Variants in GNA14 observed in about 807,000 individuals in gnomAD.
GNA14 encodes the protein guanine nucleotide-binding protein subunit alpha-14.
In GNA14, 50 loss-of-function variants were observed where a neutral mutation model predicts 42.0. The ratio of observed to expected loss-of-function variants is 1.19; its 90% confidence interval spans 0.95 to 1.51. The LOEUF (loss-of-function observed/expected upper bound fraction) is 1.51, where lower values mean the gene tolerates loss of function less well. GNA14 is among the 40% of genes most tolerant of loss of function. The pLI is 0.00. For missense variants in GNA14, 473 were observed against 446.2 expected, an observed-to-expected ratio of 1.06 and a Z score of -0.54; for synonymous variants, 173 against 163.1, an observed-to-expected ratio of 1.06 and a Z score of -0.46.
At chr9:77,639,171 C>T (rs1208056312) in intron 1 of GNA14, among the ~76,000 whole-genome samples, 2 of 152,156 alleles carry the variant, frequency 1.3e-5, no homozygotes, top group Non-Finnish European at 2.9e-5. Context: ...TGAGCACTTA[C>T]CTTCTGGGGG....
Position 77,425,557 on chromosome 9 carries a change from C to T in GNA14, c.877+5G>A. ...GAAAACACTGTCCACAAGATAGACACTTACCTGTGTATTCTGGGAAATAGC... is the reference window on the plus strand; with the variant it reads ...GAAAACACTGTCCACAAGATAGACATTTACCTGTGTATTCTGGGAAATAGC... On this transcript the variant is annotated splice_donor_5th_base_variant and intron_variant, in intron 6 of 6. Coordinates refer to ENST00000341700, the MANE Select transcript of GNA14 (RefSeq NM_004297.4). 1 of 1,596,536 alleles carries T rather than the reference C, an allele frequency of 6.3e-7. No homozygotes were observed. Among genetic ancestry groups the T allele is most frequent in the Non-Finnish European group, 8.6e-7 (1 of 1,168,886 alleles).
intron 1 of GNA14, among the ~76,000 whole-genome samples, chr9:77,622,715 G>A (rs1444345825): frequency 2.2e-5 from 3 of 135,300 alleles, no homozygotes; most frequent in Admixed American, 7.5e-5. Context: ...TGAAAACCCC[G>A]TCTCTACTAA....
At chr9:77,527,416 C>T (rs183472846) in intron 2 of GNA14, among the ~76,000 whole-genome samples, 2 of 152,342 alleles carry the variant, frequency 1.3e-5, no homozygotes, top group East Asian at 3.9e-4. Context: ...CCGTGGGCCA[C>T]AGTGCAGCCC....
intron 2 of GNA14, among the ~76,000 whole-genome samples, chr9:77,470,501 T>C (rs1002471626): frequency 2.6e-5 from 4 of 152,224 alleles, no homozygotes; most frequent in Non-Finnish European, 5.9e-5. Context: ...AAAGAGCTTA[T>C]AGCAGATTGG....
At chr9:77,447,973 CTT>C (rs1323666290) in intron 2 of GNA14, among the ~76,000 whole-genome samples, 2 of 152,216 alleles carry the variant, frequency 1.3e-5, no homozygotes, top group African/African-American at 2.4e-5. Context: ...CTTGAAATCT[CTT>C]TATCTTTTAC....
chr9:77,623,809 G>A (rs978389473), intron 1 of GNA14, among the ~76,000 whole-genome samples: 1 of 152,210 alleles, frequency 6.6e-6, no homozygotes, highest in Non-Finnish European at 1.5e-5. Flanking sequence ...TACACCACCA[G>A]CGCCATGGAT....
At chr9:77,501,488 A>G (rs1306640488) in intron 2 of GNA14, among the ~76,000 whole-genome samples, 1 of 152,168 alleles carries the variant, frequency 6.6e-6, no homozygotes, top group Non-Finnish European at 1.5e-5. Context: ...TGGATTTGCC[A>G]TCTGTATATC....
At chr9:77,545,187 A>G (rs141948351) in intron 1 of GNA14, among the ~76,000 whole-genome samples, 21 of 152,354 alleles carry the variant, frequency 1.4e-4, no homozygotes, top group African/African-American at 4.3e-4. Flanking sequence ...ACCAGTAACT[A>G]CAGTACCTAA....
chr9:77,604,074 A>T (rs1030076309), intron 1 of GNA14, among the ~76,000 whole-genome samples: 4 of 151,954 alleles, frequency 2.6e-5, no homozygotes, highest in African/African-American at 9.7e-5. Flanking sequence ...TTACAGCATA[A>T]TGTAAAATTC....
chr9:77,439,156 T>C (rs1370766601), intron 2 of GNA14, among the ~76,000 whole-genome samples: 2 of 152,176 alleles, frequency 1.3e-5, no homozygotes, highest in Non-Finnish European at 2.9e-5. Context: ...CAAGACATTA[T>C]GAGGATGGCT....
intron 2 of GNA14, among the ~76,000 whole-genome samples, chr9:77,467,205 AT>A (rs1836250689): frequency 1.3e-5 from 2 of 151,682 alleles, no homozygotes; most frequent in East Asian, 3.9e-4. Flanking sequence ...GATGAGTGTA[AT>A]TTTTTAAAGT....
intron 2 of GNA14, among the ~76,000 whole-genome samples, chr9:77,443,785 G>A (rs1835772029): frequency 1.3e-5 from 2 of 151,994 alleles, no homozygotes; most frequent in South Asian, 4.1e-4. Context: ...ACCAGCGTAG[G>A]CAAAAAAACA....
At chr9:77,518,505 G>A (rs1384069562) in intron 2 of GNA14, among the ~76,000 whole-genome samples, 2 of 152,054 alleles carry the variant, frequency 1.3e-5, no homozygotes, top group African/African-American at 4.8e-5. Context: ...ACTAGGGGCT[G>A]CCACTGGTCT....
At chr9:77,483,318 A>G (rs917063210) in intron 2 of GNA14, among the ~76,000 whole-genome samples, 1 of 152,038 alleles carries the variant, frequency 6.6e-6, no homozygotes, top group Non-Finnish European at 1.5e-5. Flanking sequence ...TTAGAGGTCC[A>G]CTCCAGACCC....
chr9:77,497,636 T>C (rs1283863249), intron 2 of GNA14, among the ~76,000 whole-genome samples: 3 of 151,268 alleles, frequency 2.0e-5, no homozygotes, highest in Non-Finnish European at 4.4e-5. Context: ...ACCACGTTCC[T>C]GACATGTAAC....
chr9:77,480,168 T>C (rs1798672295), intron 2 of GNA14, among the ~76,000 whole-genome samples: 2 of 152,202 alleles, frequency 1.3e-5, no homozygotes, highest in African/African-American at 2.4e-5. Context: ...GCCCATTCAG[T>C]ATGATATTGG....
intron 2 of GNA14, among the ~76,000 whole-genome samples, chr9:77,460,290 A>T (rs1282726404): frequency 6.6e-6 from 1 of 152,190 alleles, no homozygotes; most frequent in Non-Finnish European, 1.5e-5. Flanking sequence ...CGACGTGAGG[A>T]TGGAAGCTGA....
chr9:77,596,546 A>C (rs1453771127), intron 1 of GNA14, among the ~76,000 whole-genome samples: 1 of 152,194 alleles, frequency 6.6e-6, no homozygotes, highest in African/African-American at 2.4e-5. Context: ...GTGATATGGC[A>C]TAGACTATAT....
At chr9:77,555,057 C>T (rs571292238) in intron 1 of GNA14, among the ~76,000 whole-genome samples, 2 of 151,948 alleles carry the variant, frequency 1.3e-5, no homozygotes, top group South Asian at 4.2e-4. Context: ...AAAATATGCA[C>T]ATTTTAGATT....
Sources: gnomAD v4.1 joint callset for allele counts (sites outside exome capture counted in the v4.1 genomes callset) on GRCh38, gnomAD v4.1.1 for gene constraint, MANE v1.5 for transcripts, NCBI Gene and HGNC (gene_info 2026-07-23, HGNC 2026-07-21) for gene names.